Variants in NEMF observed in about 807,000 individuals in gnomAD.
The protein encoded by NEMF is ribosome quality control complex subunit NEMF.
A neutral mutation model predicts 162.2 loss-of-function variants in NEMF; 89 were observed. The observed-to-expected ratio is 0.55, with a 90% confidence interval of 0.46 to 0.65. The LOEUF (loss-of-function observed/expected upper bound fraction) is 0.65. Ranked by LOEUF, NEMF falls within the 30% of genes least tolerant of loss-of-function variation. NEMF has a pLI of 0.00. For synonymous variants in NEMF, 421 were observed against 404.5 expected, an observed-to-expected ratio of 1.04 and a Z score of -0.49; for missense variants, 1,133 against 1,261.9, an observed-to-expected ratio of 0.90 and a Z score of 1.55.
chr14:49,798,326 T>C lies in NEMF; in HGVS notation c.2465+1149A>G, dbSNP rs1187054357. On this transcript the variant is annotated intron_variant, in intron 25 of 32. Coordinates refer to ENST00000298310, the MANE Select transcript of NEMF (RefSeq NM_004713.6). Reference sequence around the variant, plus strand: ...TTTCACTTTGCAAATAATCCTTGATTTAACCCACTACCACTACAACTGCCA... The same window carrying C: ...TTTCACTTTGCAAATAATCCTTGATCTAACCCACTACCACTACAACTGCCA... Among the ~76,000 whole-genome samples the C allele has an allele frequency of 2.0e-5, 3 of 152,228 alleles. No individual in the cohort carries two copies. The East Asian group carries it at 5.8e-4, about 29-fold the overall frequency.
At position 49,825,944 on chromosome 14, in the gene NEMF, TG is replaced by T. The variant is rs1892318734; in HGVS notation, c.1499del (p.Ser500Ter). The T allele has an allele frequency of 6.2e-7, 1 of 1,604,560 alleles. No homozygotes were observed. Among genetic ancestry groups the T allele is most frequent in the Non-Finnish European group, 8.5e-7 (1 of 1,172,282 alleles). ...ATGTTTGCTTTGTTTTCTTTTCTGC[TG>T]ACTTGAATGCCTATTTATAGAAAAG... Reference protein sequence around the residue: ...TVEAAEKAFKSAEKKTKQTLK... With the variant: ...TVEAAEKAFKXAEKKTKQTLK... On this transcript the variant is annotated frameshift_variant, in exon 16 of 33. Transcript: ENST00000298310. LOFTEE classifies it high-confidence loss of function.
chr14:49,848,622 G>A (rs1893627164), intron 3 of NEMF, among the ~76,000 whole-genome samples: 5 of 152,020 alleles, frequency 3.3e-5, no homozygotes, highest in Admixed American at 3.3e-4. Flanking sequence ...GGATCACAAC[G>A]TCAGGAGTTC....
Position 49,844,729 on chromosome 14 carries a change from ACGCG to A in NEMF, c.357+1407_357+1410del, listed in dbSNP as rs1328400600. On this transcript the variant is annotated intron_variant, in intron 4 of 32. Coordinates refer to ENST00000298310, the MANE Select transcript of NEMF (RefSeq NM_004713.6). Reference sequence around the variant, plus strand: ...TTTATATACATACACACGCACGCGCACGCGCGCGCACACACACACACACACACAC... The same window carrying A: ...TTTATATACATACACACGCACGCGCACGCGCACACACACACACACACACAC... The A allele has an allele frequency of 1.8e-3, 122 of 68,952 alleles. 2 individuals are homozygous for A. The highest frequency in any genetic ancestry group is 8.8e-3 in the South Asian group (27 of 3,074). The allele number at this position is 68,952 out of a possible 1,614,324, so 4.3% of individuals were successfully genotyped here. A position where few individuals can be genotyped will look rare whatever the true frequency, so the allele number is the denominator to read the frequency against.
chr14:49,826,291 T>G (rs1013634292), intron 15 of NEMF, among the ~76,000 whole-genome samples: 1 of 151,498 alleles, frequency 6.6e-6, no homozygotes, highest in African/African-American at 2.4e-5. Context: ...GATATAAGAG[T>G]GAACAAGATG....
chr14:49,801,049 T>TA (rs1816826362), intron 22 of NEMF: 1 of 231,470 alleles, frequency 4.3e-6, no homozygotes, highest in African/African-American at 2.3e-5. Context: ...CATAAAAACT[T>TA]AAATACGTAT....
chr14:49,789,149 G>A lies in NEMF; in HGVS notation c.2892C>T (p.Asp964=), dbSNP rs1225417637. 14 of 1,613,144 alleles carry A rather than the reference G, an allele frequency of 8.7e-6. No homozygotes were observed. Among genetic ancestry groups the A allele is most frequent in the Non-Finnish European group, 1.1e-5 (13 of 1,179,286 alleles). Residue 964 remains aspartate (D), a synonymous_variant, in exon 28 of 33, where the codon GAC becomes GAT. Transcript: ENST00000298310. ...QDFAVDDPHD[D]KEEQDLDQQG... ...GAAGCCCACAAAGTAGCCATACCTT[G>A]TCATCATGTGGATCATCTACAGCAA...
At chr14:49,819,451 G>C (rs1466890925) in intron 16 of NEMF, among the ~76,000 whole-genome samples, 1 of 151,578 alleles carries the variant, frequency 6.6e-6, no homozygotes, top group Non-Finnish European at 1.5e-5. Flanking sequence ...GTCTCGCTCT[G>C]TTGCCCAGGC....
At chr14:49,836,631 G>C (rs1892918584) in intron 6 of NEMF, among the ~76,000 whole-genome samples, 7 of 152,030 alleles carry the variant, frequency 4.6e-5, no homozygotes, top group Admixed American at 4.6e-4. Context: ...GGGCAACAGA[G>C]CGAGACCCTT....
intron 6 of NEMF, among the ~76,000 whole-genome samples, chr14:49,836,904 T>G (rs1207181889): frequency 2.0e-5 from 3 of 152,182 alleles, no homozygotes; most frequent in Non-Finnish European, 4.4e-5. Flanking sequence ...TACAATATTT[T>G]AAATAATTCT....
chr14:49,828,974 A>G, intron 13 of NEMF, 80 bp downstream of exon 13: 1 of 1,429,974 alleles, frequency 7.0e-7, no homozygotes, highest in East Asian at 2.3e-5. Flanking sequence ...AAATATGAAG[A>G]AAAAATGTTT....
chr14:49,802,484 A>G lies in NEMF; in HGVS notation c.2064T>C (p.Ser688=), dbSNP rs746154575. ...EDMETLASCT[S]ELISEEMEQL... ...GTTCCATTTCTTCTGATATGAGTTC[A>G]CTTGTACAACTTGCCAGTGTCTCCA... Residue 688 remains serine (S), a synonymous_variant, in exon 22 of 33, where the codon AGT becomes AGC. Transcript: ENST00000298310. The G allele has an allele frequency of 9.9e-6, 16 of 1,613,814 alleles. No homozygotes were observed. Among genetic ancestry groups the G allele is most frequent in the Non-Finnish European group, 1.4e-5 (16 of 1,179,912 alleles).
intron 28 of NEMF, 61 bp from the exon 29 acceptor site, chr14:49,786,811 A>G (rs1890200174): frequency 1.4e-6 from 2 of 1,464,948 alleles, no homozygotes; most frequent in Admixed American, 1.7e-5. Flanking sequence ...ATTCCACATC[A>G]TTAAACCATA....
chr14:49,806,456 T>C (rs1481726332), intron 18 of NEMF, among the ~76,000 whole-genome samples: 3 of 149,970 alleles, frequency 2.0e-5, no homozygotes, highest in African/African-American at 7.4e-5. Context: ...GAGATGGGGT[T>C]TCACCATCTT....
chr14:49,838,002 T>A (rs549659316), intron 6 of NEMF, 137 bp downstream of exon 6: 51 of 569,450 alleles, frequency 9.0e-5, no homozygotes, highest in Admixed American at 6.5e-4. Flanking sequence ...TAACTTCTCT[T>A]TCTTTGACAA....
chr14:49,834,547 T>G, intron 6 of NEMF, 98 bp from the exon 7 acceptor site: 2 of 764,014 alleles, frequency 2.6e-6, no homozygotes. Context: ...CAGGCCGGAG[T>G]GCAATGGTGC....
chr14:49,840,929 G>T, intron 4 of NEMF, 63 bp from the exon 5 acceptor site: 1 of 1,444,066 alleles, frequency 6.9e-7, no homozygotes, highest in Non-Finnish European at 9.5e-7. Context: ...AGGCACAGTG[G>T]CTCACACCTG....
intron 26 of NEMF, among the ~76,000 whole-genome samples, 191 bp from the exon 27 acceptor site, chr14:49,789,764 G>A (rs1890354712): frequency 6.6e-6 from 1 of 152,148 alleles, no homozygotes; most frequent in South Asian, 2.1e-4. Context: ...ATTTACCATA[G>A]GGTGGAGAGA....
At chr14:49,828,250 G>C in intron 15 of NEMF, 41 bp downstream of exon 15, 2 of 1,301,412 alleles carry the variant, frequency 1.5e-6, no homozygotes, top group African/African-American at 1.5e-5. Context: ...AAATTACGCA[G>C]GCACAAACAA....
intron 6 of NEMF, among the ~76,000 whole-genome samples, chr14:49,837,198 C>G (rs185374269): frequency 6.6e-4 from 101 of 152,328 alleles, no homozygotes; most frequent in Non-Finnish European, 1.3e-3. Context: ...ATTGCTTGAA[C>G]CCGGGAGGCA....
Sources: allele counts gnomAD v4.1 joint callset (sites outside exome capture counted in the v4.1 genomes callset), GRCh38; gene constraint gnomAD v4.1.1; transcripts MANE v1.5; gene names NCBI Gene and HGNC (gene_info 2026-07-23, HGNC 2026-07-21).